Variants in SH3GL3 observed in about 807,000 individuals in gnomAD.
SH3GL3 encodes the protein SH3 domain containing GRB2 like 3, endophilin A3.
A neutral mutation model predicts 47.7 loss-of-function variants in SH3GL3; 33 were observed. That is an observed-to-expected ratio of 0.69 (90% CI 0.52 to 0.92). SH3GL3 has a LOEUF of 0.92. Ranked by LOEUF, SH3GL3 falls within the 40% of genes least tolerant of loss-of-function variation. The pLI, the probability that SH3GL3 is intolerant of heterozygous loss-of-function variation, is 0.00. For missense variants in SH3GL3, 363 were observed against 417.8 expected (o/e 0.87, Z 1.14); for synonymous variants, 155 against 148.8 (o/e 1.04, Z -0.30).
At chr15:83,627,855 C>T in the SH3GL3 span, among the ~76,000 whole-genome samples, 1 of 152,152 alleles carries the variant, frequency 6.6e-6, no homozygotes, top group Admixed American at 6.5e-5. Flanking sequence ...TTGAAACAAA[C>T]TGAGGCATAA....
the SH3GL3 span, among the ~76,000 whole-genome samples, chr15:83,625,464 T>C: frequency 6.6e-6 from 1 of 152,180 alleles, no homozygotes; most frequent in East Asian, 1.9e-4. Context: ...CCTACCCCAC[T>C]GGCCACAGCT....
At chr15:83,473,607 G>A (rs1284170612) in intron 1 of SH3GL3, among the ~76,000 whole-genome samples, 2 of 151,402 alleles carry the variant, frequency 1.3e-5, no homozygotes, top group African/African-American at 2.4e-5. Flanking sequence ...GAGTGCAGTG[G>A]CACGATCTTG....
At chr15:83,605,811 C>G (rs1020047094) in intron 8 of SH3GL3, among the ~76,000 whole-genome samples, 3 of 152,114 alleles carry the variant, frequency 2.0e-5, no homozygotes, top group Non-Finnish European at 4.4e-5. Context: ...TAAGCTGCCC[C>G]TCTGTCCCCA....
chr15:83,587,731 T>C (rs2059992325), intron 7 of SH3GL3, among the ~76,000 whole-genome samples: 1 of 152,188 alleles, frequency 6.6e-6, no homozygotes, highest in Non-Finnish European at 1.5e-5. Flanking sequence ...AATTTAATCA[T>C]AGATGTAGTC....
At chr15:83,563,596 T>C (rs199934999) in intron 2 of SH3GL3, among the ~76,000 whole-genome samples, 1 of 152,180 alleles carries the variant, frequency 6.6e-6, no homozygotes, top group East Asian at 1.9e-4. Flanking sequence ...CAGTTCTGAA[T>C]ATTTTTTTCA....
intron 1 of SH3GL3, among the ~76,000 whole-genome samples, chr15:83,499,547 A>G (rs993448646): frequency 6.6e-6 from 1 of 152,182 alleles, no homozygotes; most frequent in East Asian, 1.9e-4. Flanking sequence ...CATATGTTCA[A>G]TTAGTCATCC....
intron 1 of SH3GL3, among the ~76,000 whole-genome samples, chr15:83,523,894 C>A (rs1375927193): frequency 4.8e-5 from 7 of 146,016 alleles, no homozygotes; most frequent in African/African-American, 7.6e-5. Context: ...CTGCAAACAT[C>A]AAAATCCTCC....
chr15:83,556,710 C>G (rs1000454606), intron 1 of SH3GL3, among the ~76,000 whole-genome samples: 2 of 152,120 alleles, frequency 1.3e-5, no homozygotes, highest in Non-Finnish European at 2.9e-5. Context: ...ACACACCATC[C>G]GAAAACACAG....
At chr15:83,628,042 G>A in the SH3GL3 span, among the ~76,000 whole-genome samples, 1 of 152,174 alleles carries the variant, frequency 6.6e-6, no homozygotes, top group Admixed American at 6.5e-5. Flanking sequence ...TACAGGGACA[G>A]AGCCTATAAC....
In SH3GL3 at chr15:83,447,858, C is replaced by G. The variant is rs1018946789; in HGVS notation, c.45+280C>G. Among the ~76,000 whole-genome samples, 3 of 151,892 alleles carry G rather than the reference C, an allele frequency of 2.0e-5. No individual in the cohort carries two copies. The highest frequency in any genetic ancestry group is 7.3e-5 in the African/African-American group (3 of 41,226). On this transcript the variant is annotated intron_variant, in intron 1 of 8. Coordinates refer to ENST00000427482, the MANE Select transcript of SH3GL3 (RefSeq NM_003027.5). The surrounding 1 kb of genome is among the most constrained non-coding windows in gnomAD (Gnocchi z 5.1). ...AGGGCAGAGGTGGCGGCCGCGGGGA[C>G]TCGGGAGGCGGAGACGGAGTGGGCG...
the SH3GL3 span, among the ~76,000 whole-genome samples, chr15:83,631,753 CTGGGCCTGTGA>C: frequency 6.6e-6 from 1 of 152,208 alleles, no homozygotes; most frequent in African/African-American, 2.4e-5. Flanking sequence ...TCCTGGGCCT[CTGGGCCTGTGA>C]TGGGCCTGTG....
intron 1 of SH3GL3, among the ~76,000 whole-genome samples, chr15:83,516,209 G>A (rs1041859835): frequency 6.6e-6 from 1 of 152,054 alleles, no homozygotes; most frequent in African/African-American, 2.4e-5. Flanking sequence ...TAAAACATAA[G>A]TGTACTGACT....
At chr15:83,566,319 T>TC (rs2151756469) in intron 3 of SH3GL3, among the ~76,000 whole-genome samples, 1 of 145,604 alleles carries the variant, frequency 6.9e-6, no homozygotes, top group East Asian at 2.0e-4. Flanking sequence ...GCATCCCACA[T>TC]CCCCCTCCAA....
chr15:83,527,783 CCTTT>C lies in SH3GL3; in HGVS notation c.46-31463_46-31460del, dbSNP rs199632434. 7.1e-3 allele frequency among the ~76,000 whole-genome samples: 1,072 copies of C among 151,994 alleles called. 8 individuals carry two copies. Among genetic ancestry groups the C allele is most frequent in the Admixed American group, 9.4e-3 (144 of 15,260 alleles). On this transcript the variant is annotated intron_variant, in intron 1 of 8. Transcript: ENST00000427482. ...TCATTTGGTTTTGTGGTTCTTTGTT[CCTTT>C]CTTTCTCTCTTAGTGTTTATCATTG... is the stretch of plus-strand genomic sequence containing the variant.
At chr15:83,618,969 C>A (rs1216656958), downstream of SH3GL3, among the ~76,000 whole-genome samples, 3 of 152,092 alleles carry the variant, frequency 2.0e-5, no homozygotes, top group African/African-American at 7.2e-5. Flanking sequence ...TAAAAGACCC[C>A]AAATCAAGCT....
intron 1 of SH3GL3, chr15:83,490,840 G>A: frequency 6.2e-7 from 1 of 1,614,126 alleles, no homozygotes; most frequent in South Asian, 1.1e-5. Context: ...ATGAATGGAT[G>A]GAATCTTTGC....
Position 83,588,747 on chromosome 15 carries a change from A to G in SH3GL3, c.814A>G (p.Thr272Ala), listed in dbSNP as rs1221721572. 2 of 1,605,414 alleles carry G rather than the reference A, an allele frequency of 1.2e-6. No individual in the cohort carries two copies. Among genetic ancestry groups the G allele is most frequent in the East Asian group, 2.2e-5 (1 of 44,826 alleles). Residue 272 changes from threonine to alanine, a missense_variant, in exon 8 of 9, where the codon ACC (threonine) becomes GCC (alanine). Physicochemically the swap from Thr to Ala is moderately conservative, Grantham distance 58. Coordinates refer to ENST00000427482, the MANE Select transcript of SH3GL3 (RefSeq NM_003027.5). ...RSSSELNGVS[T>A]TSVVKTTGSN... ...TTCTAGTGAGCTCAATGGAGTTTCC[A>G]CCACCTCTGTAGTGAAGACGACAGG...
At chr15:83,487,203 G>GTTT (rs34332284) in intron 1 of SH3GL3, among the ~76,000 whole-genome samples, 7 of 126,758 alleles carry the variant, frequency 5.5e-5, no homozygotes, top group Non-Finnish European at 1.2e-4. Context: ...CGGTTTACCT[G>GTTT]TTTTTTTTTT....
intron 8 of SH3GL3, among the ~76,000 whole-genome samples, chr15:83,617,618 G>A (rs1471423364): frequency 1.3e-5 from 2 of 152,226 alleles, no homozygotes; most frequent in Non-Finnish European, 2.9e-5. Flanking sequence ...AGAGGTTACA[G>A]TAAGCCAGGA....
Sources: allele counts gnomAD v4.1 joint callset (sites outside exome capture counted in the v4.1 genomes callset), GRCh38; gene constraint gnomAD v4.1.1; non-coding constraint Gnocchi (gnomAD v3.1); transcripts MANE v1.5; gene names NCBI Gene and HGNC (gene_info 2026-07-23, HGNC 2026-07-21).